The following ANKS1B variants were observed in gnomAD, a reference collection of about 807,000 sequenced individuals.
The protein encoded by ANKS1B is ankyrin repeat and sterile alpha motif domain containing 1B.
ANKS1B carries 36 observed loss-of-function variants against 148.3 expected under a neutral mutation model. That is an observed-to-expected ratio of 0.24 (90% confidence interval 0.19 to 0.32). The LOEUF (loss-of-function observed/expected upper bound fraction) is 0.32, where lower values mean the gene tolerates loss of function less well. Among genes scored for constraint, ANKS1B ranks in the 10% least tolerant of loss-of-function variants. The probability of loss-of-function intolerance (pLI) is 1.00; values close to 1 mark genes in which losing one functional copy is unlikely to be tolerated. For synonymous variants in ANKS1B, 542 were observed against 560.8 expected, an observed-to-expected ratio of 0.97 and a Z score of 0.47; for missense variants, 1,157 against 1,542.6, an observed-to-expected ratio of 0.75 and a Z score of 4.19.
At chr12:99,899,471 A>C (rs1362496335) in intron 1 of ANKS1B, among the ~76,000 whole-genome samples, 1 of 152,178 alleles carries the variant, frequency 6.6e-6, no homozygotes, top group African/African-American at 2.4e-5. Context: ...TGTTACCCCT[A>C]CAAGTTTAAT....
chr12:99,653,678 C>CTTTTTTTT (rs199988255), intron 9 of ANKS1B, among the ~76,000 whole-genome samples: 57 of 113,538 alleles, frequency 5.0e-4, no homozygotes, highest in Non-Finnish European at 6.8e-4. Flanking sequence ...TTCTTTCTTT[C>CTTTTTTTT]TTTTTTTTTT....
rs184674691 is a variant in ANKS1B, at chr12:99,308,089, A to C, written c.1757-61225T>G. On this transcript the variant is annotated intron_variant, in intron 12 of 26. Coordinates refer to ENST00000683438, the MANE Select transcript of ANKS1B (RefSeq NM_001352186.2). ...ATGAATGATTGTGACTCGTTTAACT[A>C]TATCTGGACCTGGAGGTAGCTATTT... Among the ~76,000 whole-genome samples, 234 of 152,240 alleles carry C rather than the reference A, an allele frequency of 1.5e-3. 1 individual carries two copies. Among genetic ancestry groups the C allele is most frequent in the African/African-American group, 5.5e-3 (230 of 41,570 alleles).
chr12:99,367,302 TA>T (rs2092823574), intron 12 of ANKS1B, among the ~76,000 whole-genome samples: 1 of 152,054 alleles, frequency 6.6e-6, no homozygotes, highest in Non-Finnish European at 1.5e-5. Flanking sequence ...CCTGAGCACC[TA>T]AAAGATTGCT....
intron 14 of ANKS1B, among the ~76,000 whole-genome samples, chr12:99,237,136 T>A (rs2153958599): frequency 6.6e-6 from 1 of 152,280 alleles, no homozygotes; most frequent in Admixed American, 6.5e-5. Context: ...ATGGTAAGAT[T>A]TGGGGCTCTT....
chr12:98,812,910 T>C (rs1245136200), intron 19 of ANKS1B, among the ~76,000 whole-genome samples: 4 of 152,192 alleles, frequency 2.6e-5, no homozygotes, highest in Non-Finnish European at 5.9e-5. Context: ...TTGTTAGCAG[T>C]AAATAATTTG....
chr12:99,262,157 A>G (rs1352956778), intron 12 of ANKS1B, among the ~76,000 whole-genome samples: 2 of 152,136 alleles, frequency 1.3e-5, no homozygotes, highest in Non-Finnish European at 2.9e-5. Context: ...TAAGGCCTCC[A>G]TGGATCACAC....
chr12:99,363,852 A>G (rs1393813670), intron 12 of ANKS1B, among the ~76,000 whole-genome samples: 1 of 152,190 alleles, frequency 6.6e-6, no homozygotes, highest in Non-Finnish European at 1.5e-5. Context: ...AAGCCAACTT[A>G]CATGTAAACG....
chr12:99,079,221 T>C (rs1348110604), intron 16 of ANKS1B, among the ~76,000 whole-genome samples: 1 of 152,180 alleles, frequency 6.6e-6, no homozygotes, highest in African/African-American at 2.4e-5. Context: ...AGATAATAAA[T>C]GTTGTTATAT....
chr12:99,619,679 GC>G (rs1227009945), intron 9 of ANKS1B, among the ~76,000 whole-genome samples: 3 of 151,892 alleles, frequency 2.0e-5, no homozygotes, highest in African/African-American at 7.3e-5. Context: ...TCTGCTTCAT[GC>G]CCAGGCAGAT....
intron 1 of ANKS1B, among the ~76,000 whole-genome samples, chr12:99,913,914 C>T (rs981174450): frequency 6.6e-6 from 1 of 152,148 alleles, no homozygotes; most frequent in Non-Finnish European, 1.5e-5. Flanking sequence ...TCTGCTCTTG[C>T]TTTACAACTG....
intron 14 of ANKS1B, among the ~76,000 whole-genome samples, chr12:99,170,655 C>T (rs577370487): frequency 1.3e-5 from 2 of 152,154 alleles, no homozygotes; most frequent in African/African-American, 4.8e-5. Flanking sequence ...TCTTTGTTTC[C>T]AACAGACAAA....
intron 17 of ANKS1B, among the ~76,000 whole-genome samples, chr12:98,954,637 A>G (rs893852448): frequency 3.9e-5 from 6 of 152,216 alleles, no homozygotes; most frequent in Non-Finnish European, 5.9e-5. Context: ...TAAGCTTAGT[A>G]GAGAAATGCC....
At chr12:99,241,318 GAC>G (rs2089275441) in intron 14 of ANKS1B, among the ~76,000 whole-genome samples, 1 of 152,204 alleles carries the variant, frequency 6.6e-6, no homozygotes, top group Admixed American at 6.5e-5. Context: ...TAAATTCCTG[GAC>G]ACATACACCT....
At chr12:99,469,477 C>G (rs1285277062) in intron 10 of ANKS1B, among the ~76,000 whole-genome samples, 2 of 152,032 alleles carry the variant, frequency 1.3e-5, no homozygotes, top group East Asian at 3.9e-4. Context: ...AATGTTTCCT[C>G]TTTTACCTCA....
At chr12:99,721,383 C>T (rs1258228926) in intron 8 of ANKS1B, among the ~76,000 whole-genome samples, 1 of 152,172 alleles carries the variant, frequency 6.6e-6, no homozygotes, top group Non-Finnish European at 1.5e-5. Flanking sequence ...TGCACATACA[C>T]ATCCAGATGG....
chr12:99,603,918 T>C (rs1351700369), intron 9 of ANKS1B, among the ~76,000 whole-genome samples: 3 of 152,076 alleles, frequency 2.0e-5, no homozygotes, highest in Non-Finnish European at 4.4e-5. Context: ...TGTTTATTCA[T>C]TAGAGTTGTG....
chr12:99,757,911 G>A (rs58751393), intron 8 of ANKS1B, among the ~76,000 whole-genome samples: 1 of 152,002 alleles, frequency 6.6e-6, no homozygotes, highest in South Asian at 2.1e-4. Flanking sequence ...GACAAATAGA[G>A]AACAGCACAC....
chr12:99,514,699 C>G (rs1034097887), intron 9 of ANKS1B, among the ~76,000 whole-genome samples: 1 of 152,010 alleles, frequency 6.6e-6, no homozygotes, highest in African/African-American at 2.4e-5. Context: ...ATGACTATGA[C>G]CAGATATTTA....
chr12:99,783,190 CA>C (rs766608067), intron 4 of ANKS1B, among the ~76,000 whole-genome samples: 966 of 62,376 alleles, frequency 0.015, 5 homozygotes, highest in African/African-American at 0.044. Context: ...GAATCCATCG[CA>C]AAAAAAAAAA....
Sources: gnomAD v4.1 joint callset for allele counts (sites outside exome capture counted in the v4.1 genomes callset) on GRCh38, gnomAD v4.1.1 for gene constraint, MANE v1.5 for transcripts, NCBI Gene and HGNC (gene_info 2026-07-23, HGNC 2026-07-21) for gene names.